LTBP3: variants seen among roughly 807,000 people sequenced by gnomAD.
LTBP3 encodes the protein latent-transforming growth factor beta-binding protein 3.
In LTBP3, 97 loss-of-function variants were observed where a neutral mutation model predicts 159.7. The observed-to-expected ratio is 0.61, with a 90% confidence interval of 0.52 to 0.72. LTBP3 has a LOEUF of 0.72. Among genes scored for constraint, LTBP3 ranks in the 30% least tolerant of loss-of-function variants. The pLI, the probability that LTBP3 is intolerant of heterozygous loss-of-function variation, is 0.00. For missense variants in LTBP3, 1,584 were observed against 1,864.3 expected, an observed-to-expected ratio of 0.85 and a Z score of 2.77; for synonymous variants, 824 against 777.1, an observed-to-expected ratio of 1.06 and a Z score of -1.00.
chr11:65,541,520 G>T, intron 19 of LTBP3, 80 bp downstream of exon 19: 1 of 1,604,894 alleles, frequency 6.2e-7, no homozygotes, highest in Non-Finnish European at 8.5e-7. Flanking sequence ...TAGGAGGGTG[G>T]GGCCAGGACA....
Position 65,546,777 on chromosome 11 carries a change from G to T in LTBP3, c.2230+21C>A. The T allele has an allele frequency of 6.5e-7, 1 of 1,547,522 alleles. No individual in the cohort carries two copies. Among genetic ancestry groups the T allele is most frequent in the South Asian group, 1.1e-5 (1 of 89,166 alleles). On this transcript the variant is annotated intron_variant, in intron 15 of 27. Transcript: ENST00000301873. The surrounding 1 kb of genome is among the most constrained non-coding windows in gnomAD (Gnocchi z 4.0). ...AGGCACCTGACGGCCCCACCCACTC[G>T]GCTCCGGGCCCCGCCCTCACCGCGA...
In LTBP3 at chr11:65,547,580, A is replaced by G; in HGVS notation, c.1979-13T>C. The G allele has an allele frequency of 1.9e-6, 3 of 1,613,264 alleles. No individual in the cohort carries two copies. Among genetic ancestry groups the G allele is most frequent in the African/African-American group, 1.3e-5 (1 of 74,996 alleles). ...CATTCGTTCAGGTCTGTGCGGGAGG[A>G]AGGGGCCACGAAGGGGGTGTAGGAG... On this transcript the variant is annotated splice_polypyrimidine_tract_variant and intron_variant, in intron 13 of 27. Coordinates refer to ENST00000301873, the MANE Select transcript of LTBP3 (RefSeq NM_001130144.3). This position sits in a 1 kb window ranked among gnomAD's most constrained non-coding sequence, Gnocchi z 4.6.
In LTBP3 at chr11:65,540,229, C is replaced by T. The variant is rs752999282; in HGVS notation, c.3244+16G>A. Reference sequence around the variant, plus strand: ...CCGCCCCTCCCGCGTACCCCACTCCCCGGCCCGGGCCTCACCCATCTCTTC... The same window carrying T: ...CCGCCCCTCCCGCGTACCCCACTCCTCGGCCCGGGCCTCACCCATCTCTTC... On this transcript the variant is annotated intron_variant, in intron 23 of 27. Coordinates refer to ENST00000301873, the MANE Select transcript of LTBP3 (RefSeq NM_001130144.3). The T allele has an allele frequency of 3.9e-6, 6 of 1,548,560 alleles. No individual in the cohort carries two copies. The South Asian group carries it at 4.8e-5, about 12-fold the overall frequency.
chr11:65,556,468 C>T (rs538871910), intron 1 of LTBP3, among the ~76,000 whole-genome samples: 125 of 152,290 alleles, frequency 8.2e-4, no homozygotes, highest in African/African-American at 3.0e-3. Context: ...GGGGAGGTTG[C>T]AGTGAGCTGA....
At chr11:65,551,811 T>C in intron 8 of LTBP3, 161 bp downstream of exon 8, 2 of 983,322 alleles carry the variant, frequency 2.0e-6, no homozygotes, top group Non-Finnish European at 3.2e-6. Context: ...CAGGGTCAAA[T>C]ATCTGGGTCA....
chr11:65,551,300 G>A (rs995368194), intron 10 of LTBP3, 76 bp from the exon 11 acceptor site: 6 of 1,531,424 alleles, frequency 3.9e-6, no homozygotes, highest in African/African-American at 2.7e-5. Flanking sequence ...TTGGCCCGGC[G>A]CCCCACCCCA....
Position 65,552,957 on chromosome 11 carries a change from G to T in LTBP3, c.1089C>A (p.Gly363=). 6.2e-7 allele frequency: 1 copy of T among 1,614,188 alleles called. No homozygotes were observed. The highest frequency in any genetic ancestry group is 1.1e-5 in the South Asian group (1 of 91,084). Reference sequence around the variant, plus strand: ...TGAGGCAGTCACCATGGCGACACACGCCCGGCATTGCGCACTCGTTGATGT... The same window carrying T: ...TGAGGCAGTCACCATGGCGACACACTCCCGGCATTGCGCACTCGTTGATGT... ...CQDINECAMP[G]VCRHGDCLNN... is the part of the protein sequence containing the mutation. Residue 363 remains glycine (G), a synonymous_variant, in exon 6 of 28, where the codon GGC becomes GGA. Transcript: ENST00000301873. This position sits in a 1 kb window ranked among gnomAD's most constrained non-coding sequence, Gnocchi z 6.0.
chr11:65,547,824 GAGA>G lies in LTBP3; in HGVS notation c.1847-6_1847-4del. ...CTCTGCCTCGCACTCGTTCACATCT[GAGA>G]AGAACGGGTAGGCCAAGAAAAGTCA... On this transcript the variant is annotated splice_polypyrimidine_tract_variant and splice_region_variant and intron_variant, in intron 12 of 27. Coordinates refer to ENST00000301873, the MANE Select transcript of LTBP3 (RefSeq NM_001130144.3). The surrounding 1 kb of genome is among the most constrained non-coding windows in gnomAD (Gnocchi z 4.6). 6.2e-7 allele frequency: 1 copy of G among 1,613,308 alleles called. No individual in the cohort carries two copies. Among genetic ancestry groups the G allele is most frequent in the Non-Finnish European group, 8.5e-7 (1 of 1,179,926 alleles).
rs184861011 is a variant in LTBP3 at position 65,549,653 on chromosome 11, C to T, written c.1720+1473G>A. Among the ~76,000 whole-genome samples, 283 of 135,058 alleles carry T rather than the reference C, an allele frequency of 2.1e-3. 1 individual carries two copies. Among genetic ancestry groups the T allele is most frequent in the African/African-American group, 7.7e-3 (274 of 35,544 alleles). The allele number at this position is 135,058 out of a possible 152,430, so 88.6% of individuals were successfully genotyped here. A position where few individuals can be genotyped will look rare whatever the true frequency, so the allele number is the denominator to read the frequency against. On this transcript the variant is annotated intron_variant, in intron 11 of 27. Transcript: ENST00000301873. ...CAGGATGGTCTCAATCTCTTGACCT[C>T]GTGATCCACCCACCTCAGCCTCCCA...
intron 16 of LTBP3, chr11:65,545,657 C>G (rs1856332471): frequency 4.4e-6 from 1 of 229,754 alleles, no homozygotes; most frequent in Non-Finnish European, 8.6e-6. Context: ...CCACCACTGT[C>G]TCCGCCCTAA....
intron 21 of LTBP3, 123 bp from the exon 22 acceptor site, chr11:65,540,737 G>GAGGGGCGGGGCCTACAGGAGGT: frequency 6.6e-7 from 1 of 1,514,438 alleles, no homozygotes; most frequent in Non-Finnish European, 9.0e-7. Context: ...GGGCCTACAG[G>GAGGGGCGGGGCCTACAGGAGGT]GCGGGGCCTG....
In LTBP3 at chr11:65,547,596, G is replaced by A; in HGVS notation, c.1979-29C>T. 1 of 1,612,370 alleles carries A rather than the reference G, an allele frequency of 6.2e-7. No individual in the cohort carries two copies. The highest frequency in any genetic ancestry group is 8.5e-7 in the Non-Finnish European group (1 of 1,178,960). ...TGCGGGAGGAAGGGGCCACGAAGGG[G>A]GTGTAGGAGGCGGCGGGCAAGGGGA... On this transcript the variant is annotated intron_variant, in intron 13 of 27. Transcript: ENST00000301873. This position sits in a 1 kb window ranked among gnomAD's most constrained non-coding sequence, Gnocchi z 4.6.
chr11:65,554,330 G>A lies in LTBP3; in HGVS notation c.382C>T (p.Gln128Ter), dbSNP rs1270406255. ...GTGAAGTCCGGGGGACACAGGCACT[G>A]GTTTCGCGAGGAGCACTGGCCGCCA... ...MNGGQCSSRN[Q>*]CLCPPDFTGR... The change falls in exon 2 of 28, where the codon CAG becomes TAG. Residue 128 changes from glutamine (Q) to a stop codon, truncating the protein, a stop_gained. Coordinates refer to ENST00000301873, the MANE Select transcript of LTBP3 (RefSeq NM_001130144.3). LOFTEE classifies it high-confidence loss of function. The surrounding 1 kb of genome is among the most constrained non-coding windows in gnomAD (Gnocchi z 5.3). 3 of 1,612,342 alleles carry A rather than the reference G, an allele frequency of 1.9e-6. No homozygotes were observed. Among genetic ancestry groups the A allele is most frequent in the African/African-American group, 1.3e-5 (1 of 74,970 alleles).
intron 19 of LTBP3, 140 bp downstream of exon 19, chr11:65,541,460 C>T: frequency 1.4e-6 from 2 of 1,451,674 alleles, no homozygotes; most frequent in Non-Finnish European, 1.9e-6. Context: ...CATCGTCTGG[C>T]CCCACCAGAC....
At chr11:65,544,545 C>T (rs1279118075) in intron 16 of LTBP3, 1 of 152,512 alleles carries the variant, frequency 6.6e-6, no homozygotes, top group African/African-American at 2.4e-5. Flanking sequence ...TACCCACAGG[C>T]TTCAGCCTCA....
At chr11:65,551,336 C>T in intron 10 of LTBP3, 66 bp downstream of exon 10, 1 of 1,581,672 alleles carries the variant, frequency 6.3e-7, no homozygotes, top group Non-Finnish European at 8.6e-7. Context: ...AGTACTTAAA[C>T]TGTGAACTCC....
chr11:65,542,457 G>A (rs773980005), intron 18 of LTBP3: 38 of 140,272 alleles, frequency 2.7e-4, no homozygotes, highest in Non-Finnish European at 4.4e-4. Context: ...GCGTGATCTC[G>A]GCTCACTGCA....
At position 65,546,387 on chromosome 11, in the gene LTBP3, C is replaced by G; in HGVS notation, c.2353+55G>C. ...TTTACAGACAGCGTGACCCGCTCCC[C>G]GGCTTCAGCGCGTAGGGGGCGGCGG... On this transcript the variant is annotated intron_variant, in intron 16 of 27. Transcript: ENST00000301873. This position sits in a 1 kb window ranked among gnomAD's most constrained non-coding sequence, Gnocchi z 4.0. 6.7e-7 allele frequency: 1 copy of G among 1,487,886 alleles called. No homozygotes were observed. The highest frequency in any genetic ancestry group is 8.9e-7 in the Non-Finnish European group (1 of 1,124,774). 92.2% of individuals were successfully genotyped at this position (1,487,886 alleles called of 1,614,324 possible). A position where few individuals can be genotyped will look rare whatever the true frequency, so the allele number is the denominator to read the frequency against.
chr11:65,554,420 GTC>G lies in LTBP3; in HGVS notation c.332-42_332-41del. 1 of 1,523,352 alleles carries G rather than the reference GTC, an allele frequency of 6.6e-7. No individual in the cohort carries two copies. 94.4% of individuals were successfully genotyped at this position (1,523,352 alleles called of 1,614,324 possible). ...GGGGTCAGGCCCTCACCCACATCCT[GTC>G]TCTTTCCCCTCCTCCCTACTTCCTT... On this transcript the variant is annotated intron_variant, in intron 1 of 27. Coordinates refer to ENST00000301873, the MANE Select transcript of LTBP3 (RefSeq NM_001130144.3). The surrounding 1 kb of genome is among the most constrained non-coding windows in gnomAD (Gnocchi z 5.3).
Sources: gnomAD v4.1 joint callset for allele counts (sites outside exome capture counted in the v4.1 genomes callset) on GRCh38, gnomAD v4.1.1 for gene constraint, Gnocchi (gnomAD v3.1) non-coding constraint, MANE v1.5 for transcripts, NCBI Gene and HGNC (gene_info 2026-07-23, HGNC 2026-07-21) for gene names.